The following NBAS variants were observed in gnomAD, a reference collection of about 807,000 sequenced individuals.
The protein encoded by NBAS is NAG/BC035112 fusion.
NBAS carries 219 observed loss-of-function variants against 302.5 expected under a neutral mutation model. The ratio of observed to expected loss-of-function variants is 0.72; its 90% CI spans 0.65 to 0.81. NBAS has a LOEUF of 0.81. Among genes scored for constraint, NBAS ranks in the 30% least tolerant of loss-of-function variants. NBAS has a pLI of 0.00. For missense variants in NBAS, 2,932 were observed against 2,841.6 expected (o/e 1.03, Z -0.72); for synonymous variants, 1,118 against 1,021.6 (o/e 1.09, Z -1.80).
At chr2:15,431,928 TA>T (rs1437733213) in intron 21 of NBAS, among the ~76,000 whole-genome samples, 1 of 152,142 alleles carries the variant, frequency 6.6e-6, no homozygotes, top group Non-Finnish European at 1.5e-5. Context: ...TCTTACCTTT[TA>T]AAAACTGCCC....
the NBAS span, among the ~76,000 whole-genome samples, chr2:15,114,531 C>T: frequency 1.5e-4 from 23 of 152,220 alleles, no homozygotes; most frequent in South Asian, 6.2e-4. Flanking sequence ...TTTATGGTGA[C>T]GCAGTTCAAC....
intron 35 of NBAS, among the ~76,000 whole-genome samples, chr2:15,345,662 T>C (rs1228094382): frequency 6.6e-6 from 1 of 152,050 alleles, no homozygotes; most frequent in East Asian, 1.9e-4. Flanking sequence ...CTACTTTAAA[T>C]TTCATATGGA....
rs1667808721 is a variant in NBAS at position 15,240,409 on chromosome 2, G to C, written c.5725-1723C>G. ...CGAGGTCAGGTGATCGAGACAATCC[G>C]GGCTAACATGGTGAAACCCCGTCTC... On this transcript the variant is annotated intron_variant, in intron 44 of 51. Coordinates refer to ENST00000281513, the MANE Select transcript of NBAS (RefSeq NM_015909.4). Among the ~76,000 whole-genome samples the C allele has an allele frequency of 2.7e-5, 4 of 147,626 alleles. No individual in the cohort carries two copies. The South Asian group carries it at 8.6e-4, about 32-fold the overall frequency.
At chr2:15,204,308 T>C (rs868596633) in intron 48 of NBAS, among the ~76,000 whole-genome samples, 1 of 152,112 alleles carries the variant, frequency 6.6e-6, no homozygotes, top group East Asian at 1.9e-4. Context: ...TACTCTTACT[T>C]GAAGTCTAAA....
chr2:15,212,446 G>C (rs1344050742), intron 48 of NBAS, among the ~76,000 whole-genome samples: 1 of 152,170 alleles, frequency 6.6e-6, no homozygotes, highest in African/African-American at 2.4e-5. Context: ...CCATACACCA[G>C]CTGGGCTGAA....
At chr2:15,084,299 G>C in the NBAS span, among the ~76,000 whole-genome samples, 1 of 152,176 alleles carries the variant, frequency 6.6e-6, no homozygotes, top group African/African-American at 2.4e-5. Flanking sequence ...CTGGACCCAA[G>C]TGATCAACCT....
chr2:15,092,145 AC>A, the NBAS span, among the ~76,000 whole-genome samples: 26 of 152,234 alleles, frequency 1.7e-4, no homozygotes, highest in African/African-American at 5.3e-4. Context: ...AATACACCAC[AC>A]TACTTCTCCA....
At chr2:15,008,743 G>T in the NBAS span, among the ~76,000 whole-genome samples, 1 of 152,018 alleles carries the variant, frequency 6.6e-6, no homozygotes, top group Non-Finnish European at 1.5e-5. Context: ...TTCACTCCTT[G>T]CCCTAAAGAA....
intron 48 of NBAS, among the ~76,000 whole-genome samples, chr2:15,212,699 T>C (rs1435867413): frequency 2.6e-5 from 4 of 152,174 alleles, no homozygotes; most frequent in Non-Finnish European, 5.9e-5. Flanking sequence ...CCTATGCTAT[T>C]CTCGTGATAG....
chr2:15,413,291 C>T (rs1407648428), intron 25 of NBAS, among the ~76,000 whole-genome samples: 1 of 152,160 alleles, frequency 6.6e-6, no homozygotes, highest in Non-Finnish European at 1.5e-5. Flanking sequence ...AATTTGCTGA[C>T]ATTTGCTCTC....
chr2:15,322,197 T>C (rs1036999281), intron 38 of NBAS, among the ~76,000 whole-genome samples: 57 of 141,384 alleles, frequency 4.0e-4, no homozygotes, highest in Non-Finnish European at 2.2e-4. Context: ...ATGAGAACAC[T>C]TGGACACAGG....
intron 6 of NBAS, among the ~76,000 whole-genome samples, chr2:15,545,007 G>T (rs1664034850): frequency 9.4e-6 from 1 of 106,894 alleles, no homozygotes; most frequent in African/African-American, 2.6e-5. Context: ...CAAGACTCTG[G>T]CTGGCAAAAA....
Position 15,366,659 on chromosome 2 carries a change from C to T in NBAS, c.3738G>A (p.Lys1246=). The change falls in exon 32 of 52, where the codon AAG becomes AAA. Residue 1246 remains lysine, a synonymous_variant. Transcript: ENST00000281513. ...ATGTGGGGGACTGGGAAATACACTC[C>T]TTGATGAGACTGATCCGATCAGGGC... The part of the protein sequence containing the change: ...RLCPDRISLI[K]ECISQSPTCY... 1.2e-6 allele frequency: 2 copies of T among 1,614,064 alleles called. No homozygotes were observed. Among genetic ancestry groups the T allele is most frequent in the Non-Finnish European group, 1.7e-6 (2 of 1,179,974 alleles).
the NBAS span, among the ~76,000 whole-genome samples, chr2:15,096,835 T>C: frequency 6.6e-6 from 1 of 152,202 alleles, no homozygotes; most frequent in South Asian, 2.1e-4. Flanking sequence ...TGTGACCTGC[T>C]AATGTCCCAG....
At chr2:15,399,973 G>C (rs1676068951) in intron 26 of NBAS, among the ~76,000 whole-genome samples, 1 of 152,050 alleles carries the variant, frequency 6.6e-6, no homozygotes, top group South Asian at 2.1e-4. Flanking sequence ...GTGCAATTGT[G>C]GCATTTTCCT....
At chr2:15,121,458 T>C in the NBAS span, among the ~76,000 whole-genome samples, 1 of 152,046 alleles carries the variant, frequency 6.6e-6, no homozygotes, top group Non-Finnish European at 1.5e-5. Context: ...CTCAGAGGAA[T>C]GTTCGAGGTA....
the NBAS span, among the ~76,000 whole-genome samples, chr2:14,906,167 G>A: frequency 5.9e-5 from 9 of 151,996 alleles, no homozygotes; most frequent in African/African-American, 1.9e-4. Flanking sequence ...TAGTAGCAGC[G>A]GCAGCAGCAG....
At chr2:15,444,266 A>G (rs939348524) in intron 21 of NBAS, among the ~76,000 whole-genome samples, 2 of 152,210 alleles carry the variant, frequency 1.3e-5, no homozygotes, top group Non-Finnish European at 2.9e-5. Context: ...CTACAAGGCT[A>G]CAGTAACCAA....
chr2:15,303,859 CTTG>C (rs1294382652), intron 40 of NBAS, among the ~76,000 whole-genome samples: 3 of 152,174 alleles, frequency 2.0e-5, no homozygotes, highest in Non-Finnish European at 4.4e-5. Context: ...AAAGCTGTAA[CTTG>C]TTGTCTGTCC....
Sources: allele counts gnomAD v4.1 joint callset (sites outside exome capture counted in the v4.1 genomes callset), GRCh38; gene constraint gnomAD v4.1.1; transcripts MANE v1.5; gene names NCBI Gene and HGNC (gene_info 2026-07-23, HGNC 2026-07-21).